PPP6R3: variants seen among roughly 807,000 people sequenced by gnomAD.
PPP6R3 encodes protein phosphatase 6 regulatory subunit 3.
PPP6R3 carries 38 observed loss-of-function variants against 110.7 expected under a neutral mutation model. The ratio of observed to expected loss-of-function variants is 0.34; its 90% confidence interval spans 0.26 to 0.45. The LOEUF (loss-of-function observed/expected upper bound fraction) is 0.45. Ranked by LOEUF, PPP6R3 falls within the 20% of genes least tolerant of loss-of-function variation. The pLI is 1.00. For synonymous variants in PPP6R3, 369 were observed against 373.5 expected (o/e 0.99, Z 0.14); for missense variants, 870 against 1,062.4 (o/e 0.82, Z 2.52).
At chr11:68,611,157 C>T (rs993702789) in intron 23 of PPP6R3, among the ~76,000 whole-genome samples, 6 of 152,058 alleles carry the variant, frequency 3.9e-5, no homozygotes, top group Non-Finnish European at 7.3e-5. Flanking sequence ...ACGGATTGGG[C>T]AAGTCACTCT....
At chr11:68,474,136 C>T (rs1176777314) in intron 1 of PPP6R3, among the ~76,000 whole-genome samples, 4 of 151,504 alleles carry the variant, frequency 2.6e-5, no homozygotes, top group Admixed American at 1.3e-4. Context: ...CTTCAAACTC[C>T]TGGGCTCAAG....
chr11:68,603,521 CT>C, intron 22 of PPP6R3, 29 bp downstream of exon 22: 12 of 1,613,580 alleles, frequency 7.4e-6, no homozygotes, highest in Non-Finnish European at 1.0e-5. Context: ...CTGCTGGTAG[CT>C]TCAGGTTATT....
chr11:68,554,180 T>C lies in PPP6R3; in HGVS notation c.654T>C (p.Ile218=). Residue 218 remains isoleucine, a synonymous_variant, in exon 7 of 24, where the codon ATT becomes ATC. Coordinates refer to ENST00000393800, the MANE Select transcript of PPP6R3 (RefSeq NM_001164161.2). The stretch of plus-strand genomic sequence containing the variant: ...ATGCATCACAATCACTTTGTGAAAT[T>C]GTTCGCCTGAGCAGAGACCAGATGT... ...HSNASQSLCE[I]VRLSRDQMLQ... The C allele has an allele frequency of 6.2e-7, 1 of 1,613,622 alleles. No homozygotes were observed. The highest frequency in any genetic ancestry group is 8.5e-7 in the Non-Finnish European group (1 of 1,179,814).
chr11:68,500,177 C>A (rs2099040813), intron 1 of PPP6R3, among the ~76,000 whole-genome samples: 1 of 152,112 alleles, frequency 6.6e-6, no homozygotes, highest in Admixed American at 6.6e-5. Flanking sequence ...CACACATTTG[C>A]TTGATATTAT....
chr11:68,536,185 C>CT (rs2099269840), intron 2 of PPP6R3, among the ~76,000 whole-genome samples: 2 of 151,808 alleles, frequency 1.3e-5, no homozygotes, highest in Admixed American at 6.5e-5. Context: ...ATTTAAAAAA[C>CT]ATTTTTTTTT....
At chr11:68,485,825 G>T (rs1355156372) in intron 1 of PPP6R3, among the ~76,000 whole-genome samples, 2 of 152,144 alleles carry the variant, frequency 1.3e-5, no homozygotes, top group Non-Finnish European at 2.9e-5. Flanking sequence ...CTCCCAAGTA[G>T]CAGGGACTAC....
intron 1 of PPP6R3, among the ~76,000 whole-genome samples, chr11:68,514,774 G>A (rs763624419): frequency 2.6e-5 from 4 of 151,934 alleles, no homozygotes; most frequent in African/African-American, 7.3e-5. Context: ...TAGTAGAGAC[G>A]GGGTTTCGCC....
At chr11:68,529,968 C>T (rs966841316) in intron 2 of PPP6R3, among the ~76,000 whole-genome samples, 8 of 152,152 alleles carry the variant, frequency 5.3e-5, no homozygotes, top group Admixed American at 3.9e-4. Context: ...CCATGTGTAA[C>T]TCTTGAACAT....
In PPP6R3 at chr11:68,613,868, A is replaced by C; in HGVS notation, c.*751A>C. 1.0e-6 allele frequency: 1 copy of C among 974,958 alleles called. No homozygotes were observed. Among genetic ancestry groups the C allele is most frequent in the Non-Finnish European group, 1.2e-6 (1 of 825,684 alleles). 60.4% of individuals were successfully genotyped at this position (974,958 alleles called of 1,614,324 possible). ...ATTCCTACAAGTGAAACACTAGACT[A>C]TTTGGAGTGTATATGGCTTGTGTTT... On this transcript the variant is annotated 3_prime_UTR_variant, in exon 24 of 24. Transcript: ENST00000393800.
Position 68,614,080 on chromosome 11 carries a change from A to G in PPP6R3, c.*963A>G. On this transcript the variant is annotated 3_prime_UTR_variant, in exon 24 of 24. Coordinates refer to ENST00000393800, the MANE Select transcript of PPP6R3 (RefSeq NM_001164161.2). ...AATCCTATTAGGCAAGTCAGTTGAA[A>G]ATGCTCGTGCTGCTAATGGAATTAG... 1.0e-6 allele frequency: 1 copy of G among 985,930 alleles called. No homozygotes were observed. Among genetic ancestry groups the G allele is most frequent in the South Asian group, 4.7e-5 (1 of 21,296 alleles). 61.1% of individuals were successfully genotyped at this position (985,930 alleles called of 1,614,324 possible).
chr11:68,546,008 C>T (rs2099347713), intron 4 of PPP6R3, among the ~76,000 whole-genome samples: 1 of 152,208 alleles, frequency 6.6e-6, no homozygotes, highest in Admixed American at 6.5e-5. Flanking sequence ...CCCATTGTTG[C>T]TATCAGCACT....
intron 1 of PPP6R3, among the ~76,000 whole-genome samples, chr11:68,509,744 ATTTTTT>A (rs59022544): frequency 0.015 from 1,575 of 102,132 alleles, 36 homozygotes; most frequent in African/African-American, 0.056. Context: ...CATGTGGCTA[ATTTTTT>A]TTTTTTTTTT....
At chr11:68,476,911 A>G (rs1157714626) in intron 1 of PPP6R3, among the ~76,000 whole-genome samples, 1 of 151,780 alleles carries the variant, frequency 6.6e-6, no homozygotes, top group East Asian at 1.9e-4. Context: ...CTGTAGTCAC[A>G]GCTACTCAGG....
At chr11:68,473,490 TA>T (rs1365213905) in intron 1 of PPP6R3, among the ~76,000 whole-genome samples, 1 of 152,216 alleles carries the variant, frequency 6.6e-6, no homozygotes. Context: ...CTAAGTTCTG[TA>T]AGCCACTCTA....
intron 1 of PPP6R3, among the ~76,000 whole-genome samples, chr11:68,506,414 CAAAAAAAAAAAAAAAAAAAAAA>C (rs67739319): frequency 4.3e-5 from 2 of 46,072 alleles, no homozygotes; most frequent in African/African-American, 6.5e-5. Flanking sequence ...CCTTTATACT[CAAAAAAAAAAAAAAAAAAAAAA>C]AAAAAAAAAA....
At chr11:68,556,909 G>A (rs2099401754) in intron 7 of PPP6R3, among the ~76,000 whole-genome samples, 1 of 152,186 alleles carries the variant, frequency 6.6e-6, no homozygotes, top group African/African-American at 2.4e-5. Context: ...TCCATTAGTA[G>A]AATTCTTTCA....
chr11:68,505,602 T>C (rs2099071826), intron 1 of PPP6R3, among the ~76,000 whole-genome samples: 1 of 152,178 alleles, frequency 6.6e-6, no homozygotes, highest in Admixed American at 6.6e-5. Flanking sequence ...AATTCCAGTT[T>C]TTGCAATAAA....
At chr11:68,551,687 C>G (rs2099379448) in intron 6 of PPP6R3, among the ~76,000 whole-genome samples, 1 of 152,150 alleles carries the variant, frequency 6.6e-6, no homozygotes, top group South Asian at 2.1e-4. Flanking sequence ...CGGGGTTTCA[C>G]CATCTTGGAC....
chr11:68,562,828 A>T (rs1457389390), intron 8 of PPP6R3, among the ~76,000 whole-genome samples: 2 of 152,254 alleles, frequency 1.3e-5, no homozygotes, highest in Non-Finnish European at 2.9e-5. Context: ...TCTTTGTCTC[A>T]GAGTCATGTA....
Sources: allele counts gnomAD v4.1 joint callset (sites outside exome capture counted in the v4.1 genomes callset), GRCh38; gene constraint gnomAD v4.1.1; transcripts MANE v1.5; gene names NCBI Gene and HGNC (gene_info 2026-07-23, HGNC 2026-07-21).